The following OTUD7B variants were observed in gnomAD, a reference collection of about 807,000 sequenced individuals.
OTUD7B encodes the protein OTU domain-containing protein 7B.
A neutral mutation model predicts 82.2 loss-of-function variants in OTUD7B; 34 were observed. The ratio of observed to expected loss-of-function variants is 0.41; its 90% CI spans 0.31 to 0.55. OTUD7B has a LOEUF of 0.55. OTUD7B is among the 20% of genes least tolerant of loss of function. OTUD7B has a pLI of 0.20. For synonymous variants in OTUD7B, 398 were observed against 402.7 expected (o/e 0.99, Z 0.14); for missense variants, 944 against 1,062.1 (o/e 0.89, Z 1.55).
At chr1:149,981,687 G>C (rs183607463) in intron 1 of OTUD7B, among the ~76,000 whole-genome samples, 11 of 152,258 alleles carry the variant, frequency 7.2e-5, no homozygotes, top group Non-Finnish European at 8.8e-5. Flanking sequence ...ATAAATATTT[G>C]TGCTGACCTC....
At chr1:150,001,081 T>C (rs1014023961) in intron 1 of OTUD7B, among the ~76,000 whole-genome samples, 11 of 152,160 alleles carry the variant, frequency 7.2e-5, no homozygotes, top group Non-Finnish European at 1.5e-4. Context: ...CCAGTAGTCA[T>C]TTCTTGAGAA....
In OTUD7B at chr1:149,944,297, T is replaced by C. The variant is rs781876541; in HGVS notation, c.2092A>G (p.Ile698Val). ...FSTGYPGDFT[I>V]PRPSGGGVHC... Reference sequence around the variant, plus strand: ...ACTCCGCCCCCAGACGGCCGAGGGATAGTAAAGTCCCCAGGGTAGCCAGTG... The same window carrying C: ...ACTCCGCCCCCAGACGGCCGAGGGACAGTAAAGTCCCCAGGGTAGCCAGTG... Residue 698 changes from isoleucine to valine, a missense_variant, in exon 12 of 12, where the codon ATC becomes GTC. Transcript: ENST00000581312. 2 of 1,610,888 alleles carry C rather than the reference T, an allele frequency of 1.2e-6. No individual in the cohort carries two copies. The highest frequency in any genetic ancestry group is 8.5e-7 in the Non-Finnish European group (1 of 1,178,080).
At chr1:149,945,844 T>C (rs1433970803) in intron 11 of OTUD7B, among the ~76,000 whole-genome samples, 3 of 149,498 alleles carry the variant, frequency 2.0e-5, no homozygotes, top group African/African-American at 7.4e-5. Context: ...GTGGATCACC[T>C]GAGGTCGGGA....
chr1:149,949,151 T>C (rs1332898079), intron 9 of OTUD7B, 68 bp from the exon 10 acceptor site: 2 of 938,820 alleles, frequency 2.1e-6, no homozygotes, highest in Non-Finnish European at 3.4e-6. Context: ...CACAGACTTA[T>C]TTCACTAAAA....
chr1:150,005,538 A>T (rs79414534), intron 1 of OTUD7B, among the ~76,000 whole-genome samples: 1,744 of 152,280 alleles, frequency 0.011, 99 homozygotes, highest in Admixed American at 0.078. Context: ...GGTAATGATT[A>T]TAAAGAGGTG....
At chr1:149,981,940 G>A (rs782132391) in intron 1 of OTUD7B, among the ~76,000 whole-genome samples, 44 of 152,290 alleles carry the variant, frequency 2.9e-4, no homozygotes, top group Non-Finnish European at 5.1e-4. Context: ...GCAAGGTCAG[G>A]AGATCGAGAC....
the OTUD7B span, among the ~76,000 whole-genome samples, chr1:150,061,195 T>C: frequency 6.6e-6 from 1 of 152,188 alleles, no homozygotes; most frequent in Non-Finnish European, 1.5e-5. Context: ...CAGCCACATG[T>C]AGCATTTCTT....
intron 1 of OTUD7B, among the ~76,000 whole-genome samples, chr1:149,997,908 C>T (rs1447511577): frequency 6.6e-6 from 1 of 152,140 alleles, no homozygotes; most frequent in Non-Finnish European, 1.5e-5. Flanking sequence ...GGACGATACA[C>T]ACCAAGTCCT....
chr1:150,059,305 C>T, the OTUD7B span, among the ~76,000 whole-genome samples: 2 of 39,092 alleles, frequency 5.1e-5, no homozygotes, highest in African/African-American at 2.2e-4. Flanking sequence ...CACCCCCCCC[C>T]CCCCCGCCTC....
chr1:149,970,982 G>C lies in OTUD7B; in HGVS notation c.274+81C>G, dbSNP rs114515861. The C allele has an allele frequency of 3.9e-6, 5 of 1,276,348 alleles. No homozygotes were observed. In the Admixed American group the frequency reaches 1.2e-4, roughly 30 times the overall value. The allele number at this position is 1,276,348 out of a possible 1,614,324, so 79.1% of individuals were successfully genotyped here. A position where few individuals can be genotyped will look rare whatever the true frequency, so the allele number is the denominator to read the frequency against. On this transcript the variant is annotated intron_variant, in intron 3 of 11. Transcript: ENST00000581312. Reference sequence around the variant, plus strand: ...GGAAGAAATGGAATCACCTCCAATGGATCACTAGACTTTATGACTCCATTT... The same window carrying C: ...GGAAGAAATGGAATCACCTCCAATGCATCACTAGACTTTATGACTCCATTT...
chr1:150,019,947 G>A, the OTUD7B span, among the ~76,000 whole-genome samples: 1 of 151,502 alleles, frequency 6.6e-6, no homozygotes. Flanking sequence ...GACCAACCTG[G>A]GCAATGTAGT....
At chr1:149,945,186 T>A in intron 11 of OTUD7B, 121 bp from the exon 12 acceptor site, 1 of 1,338,824 alleles carries the variant, frequency 7.5e-7, no homozygotes, top group South Asian at 1.5e-5. Flanking sequence ...GCTATAGAAA[T>A]TAGCCAGGTA....
chr1:150,027,690 A>T, the OTUD7B span, among the ~76,000 whole-genome samples: 1 of 152,176 alleles, frequency 6.6e-6, no homozygotes, highest in African/African-American at 2.4e-5. Flanking sequence ...TCTTATAATA[A>T]TCTGCTAGTG....
At chr1:149,950,975 G>GTTTTTTTTTT (rs1376360627) in intron 7 of OTUD7B, among the ~76,000 whole-genome samples, 6 of 12,240 alleles carry the variant, frequency 4.9e-4, no homozygotes, top group Non-Finnish European at 8.4e-4. Flanking sequence ...TGTACTTTTT[G>GTTTTTTTTTT]TATTTTTTTT....
chr1:149,970,936 C>G lies in OTUD7B; in HGVS notation c.274+127G>C, dbSNP rs1426134294. ...CTGGGCAGACTGAGGCCACCTCAGT[C>G]TGGGTTTGGCTGGGAGAAGGGGAAG... On this transcript the variant is annotated intron_variant, in intron 3 of 11. Transcript: ENST00000581312. The G allele has an allele frequency of 7.3e-6, 6 of 819,610 alleles. No individual in the cohort carries two copies. The Admixed American group carries it at 8.7e-5, about 12-fold the overall frequency. 50.8% of individuals were successfully genotyped at this position (819,610 alleles called of 1,614,324 possible).
the OTUD7B span, chr1:150,054,638 T>C: frequency 2.9e-6 from 1 of 348,064 alleles, no homozygotes; most frequent in Non-Finnish European, 5.6e-6. Flanking sequence ...TGAAATCCTG[T>C]CTCTACTAAA....
At chr1:150,066,176 G>T in the OTUD7B span, among the ~76,000 whole-genome samples, 2 of 152,126 alleles carry the variant, frequency 1.3e-5, no homozygotes, top group Non-Finnish European at 2.9e-5. The surrounding 1 kb of genome is among the most constrained non-coding windows in gnomAD (Gnocchi z 4.6). Flanking sequence ...AGTGACATAG[G>T]AGATTGGCAG....
chr1:150,041,680 T>C, the OTUD7B span, among the ~76,000 whole-genome samples: 22,740 of 152,234 alleles, frequency 0.15, 1,873 homozygotes, highest in African/African-American at 0.18. Flanking sequence ...TTTCTTTTTT[T>C]AATCAGACTT....
At chr1:150,064,704 T>A in the OTUD7B span, among the ~76,000 whole-genome samples, 3 of 152,164 alleles carry the variant, frequency 2.0e-5, no homozygotes, top group Non-Finnish European at 4.4e-5. Context: ...TTTTTTTCAA[T>A]TGTTATCAAG....
Sources: allele counts gnomAD v4.1 joint callset (sites outside exome capture counted in the v4.1 genomes callset), GRCh38; gene constraint gnomAD v4.1.1; non-coding constraint Gnocchi (gnomAD v3.1); transcripts MANE v1.5; gene names NCBI Gene and HGNC (gene_info 2026-07-23, HGNC 2026-07-21).